USP16: variants seen among roughly 807,000 people sequenced by gnomAD.
USP16 encodes the protein ubiquitin specific peptidase 16, also known as ubiquitin carboxyl-terminal hydrolase 16.
A neutral mutation model predicts 95.9 loss-of-function variants in USP16; 77 were observed. That is an observed-to-expected ratio of 0.80 (90% confidence interval 0.67 to 0.97). The LOEUF is 0.97. Among genes scored for constraint, USP16 ranks in the 50% least tolerant of loss-of-function variants. The pLI, the probability that USP16 is intolerant of heterozygous loss-of-function variation, is 0.00. For synonymous variants in USP16, 303 were observed against 318.2 expected (o/e 0.95, Z 0.51); for missense variants, 943 against 959.9 (o/e 0.98, Z 0.23).
chr21:29,037,242 T>C, intron 5 of USP16, 34 bp from the exon 6 acceptor site: 1 of 1,372,224 alleles, frequency 7.3e-7, no homozygotes, highest in Middle Eastern at 2.6e-4. Flanking sequence ...ATGACTGTAT[T>C]ACACATTTTG....
chr21:29,032,480 C>T (rs1031603051), intron 3 of USP16, among the ~76,000 whole-genome samples: 1 of 152,184 alleles, frequency 6.6e-6, no homozygotes, highest in Non-Finnish European at 1.5e-5. Context: ...GATCTACCCC[C>T]CTGGGCCTCC....
At chr21:29,034,319 T>A (rs2085121054) in intron 3 of USP16, among the ~76,000 whole-genome samples, 4 of 144,074 alleles carry the variant, frequency 2.8e-5, no homozygotes, top group Non-Finnish European at 6.1e-5. Flanking sequence ...TTTTTTTTTT[T>A]ATTTTGAGAT....
intron 16 of USP16, among the ~76,000 whole-genome samples, chr21:29,051,348 C>T (rs1262557676): frequency 2.6e-5 from 4 of 151,998 alleles, no homozygotes; most frequent in African/African-American, 9.7e-5. Flanking sequence ...TAGGATGGGC[C>T]CAGGGCACAG....
chr21:29,030,634 G>A lies in USP16; in HGVS notation c.101G>A (p.Gly34Asp), dbSNP rs777525482. The change falls in exon 3 of 18, where the codon GGT becomes GAT. Residue 34 changes from glycine to aspartate, a missense_variant. Transcript: ENST00000399976. ...CACATTAGAAAAGGATTGGAACAAG[G>A]TAATTTGAAAAAGGCTTTAGTGAAT... ...CRHIRKGLEQ[G>D]NLKKALVNVE... 6.2e-7 allele frequency: 1 copy of A among 1,613,334 alleles called. No homozygotes were observed. Among genetic ancestry groups the A allele is most frequent in the Admixed American group, 1.7e-5 (1 of 59,880 alleles).
chr21:29,025,408 C>T (rs1338929735), intron 1 of USP16, among the ~76,000 whole-genome samples: 1 of 152,184 alleles, frequency 6.6e-6, no homozygotes, highest in Non-Finnish European at 1.5e-5. Context: ...CGTTAATGCT[C>T]ATCCGATGAC....
chr21:29,053,744 C>A, intron 16 of USP16, 58 bp from the exon 17 acceptor site: 1 of 1,559,704 alleles, frequency 6.4e-7, no homozygotes, highest in Admixed American at 1.8e-5. Context: ...TTGTCTTGCC[C>A]ATGACATCTG....
Position 29,046,680 on chromosome 21 carries a change from A to T in USP16, c.1370A>T (p.Gln457Leu). ...CTTTTTACCCAGAACCAACGAAGAC[A>T]ACAAAAAATTCAAGGAAAAGTTCTT... ...AKKQAKNQRR[Q>L]QKIQGKVLHL... Residue 457 changes from glutamine (Q) to leucine (L), a missense_variant, in exon 14 of 18, where the codon CAA becomes CTA. Transcript: ENST00000399976. 6.2e-7 allele frequency: 1 copy of T among 1,604,210 alleles called. No individual in the cohort carries two copies. Among genetic ancestry groups the T allele is most frequent in the Non-Finnish European group, 8.5e-7 (1 of 1,176,122 alleles).
At chr21:29,024,809 CG>C in intron 1 of USP16, 32 bp downstream of exon 1, 1 of 1,256,006 alleles carries the variant, frequency 8.0e-7, no homozygotes, top group Non-Finnish European at 1.0e-6. Flanking sequence ...TGGCAGTCGT[CG>C]CTCGCCTGGC....
Position 29,053,809 on chromosome 21 carries a change from CAGA to C in USP16, c.2206_2208del (p.Glu736del). 6.2e-7 allele frequency: 1 copy of C among 1,609,300 alleles called. No homozygotes were observed. The highest frequency in any genetic ancestry group is 8.5e-7 in the Non-Finnish European group (1 of 1,178,744). ...TTCTACTCATTTTTAAAGAATGTTG[CAGA>C]AGAAAATACAAGGGTACTCTATTCC... On this transcript the variant is annotated inframe_deletion, in exon 17 of 18. Transcript: ENST00000399976.
intron 16 of USP16, chr21:29,052,985 CA>C (rs1407801145): frequency 6.6e-6 from 1 of 151,886 alleles, no homozygotes. Flanking sequence ...GACCCTGTCT[CA>C]AAAAAAATTT....
chr21:29,025,781 T>C (rs1366895067), intron 1 of USP16: 16 of 959,872 alleles, frequency 1.7e-5, no homozygotes, highest in Non-Finnish European at 2.0e-5. Flanking sequence ...GGTACTATTC[T>C]ATTTTTCTAT....
Position 29,039,043 on chromosome 21 carries a change from C to G in USP16, c.750C>G (p.Asn250Lys), listed in dbSNP as rs2085204179. ...DLALTEPLEI[N>K]LEPPGPLTLA... The stretch of plus-strand genomic sequence containing the variant: ...ATATTCAGGAACCATTAGAAATAAA[C>G]CTTGAGCCTCCAGGCCCTCTTACTT... The change falls in exon 8 of 18, where the codon AAC becomes AAG. Residue 250 changes from asparagine to lysine, a missense_variant. Coordinates refer to ENST00000399976, the MANE Select transcript of USP16 (RefSeq NM_006447.3). 6.5e-7 allele frequency: 1 copy of G among 1,549,166 alleles called. No individual in the cohort carries two copies. Among genetic ancestry groups the G allele is most frequent in the African/African-American group, 1.4e-5 (1 of 71,646 alleles).
At chr21:29,038,254 G>A (rs2085191497) in intron 6 of USP16, 81 bp from the exon 7 acceptor site, 3 of 896,302 alleles carry the variant, frequency 3.3e-6, no homozygotes, top group Non-Finnish European at 5.2e-6. Flanking sequence ...TTTCTGTTTT[G>A]ATAGAATAGA....
Position 29,050,107 on chromosome 21 carries a change from C to T in USP16, c.2122C>T (p.Arg708Cys), listed in dbSNP as rs768071962. Residue 708 changes from arginine (R) to cysteine (C), a missense_variant, in exon 16 of 18, where the codon CGC (arginine) becomes TGC (cysteine). Physicochemically the swap from Arg to Cys is radical, Grantham distance 180 (BLOSUM62 -3). Transcript: ENST00000399976. ...TCTCTTTTAGGCTGGTTTTAACCTACGCAAAGTTAACAAACACATAAAGTT... is the reference window on the plus strand; with the variant it reads ...TCTCTTTTAGGCTGGTTTTAACCTATGCAAAGTTAACAAACACATAAAGTT... ...KRFQQAGFNL[R>C]KVNKHIKFPE... 1.1e-5 allele frequency: 18 copies of T among 1,612,952 alleles called. No individual in the cohort carries two copies. Among genetic ancestry groups the T allele is most frequent in the Middle Eastern group, 1.7e-4 (1 of 5,934 alleles).
chr21:29,052,484 T>G (rs2085430537), intron 16 of USP16: 1 of 152,144 alleles, frequency 6.6e-6, no homozygotes, highest in Non-Finnish European at 1.5e-5. Context: ...CTCATGAGGC[T>G]TATTCACTAT....
At chr21:29,026,749 G>A (rs914374853) in intron 1 of USP16, 1 of 151,644 alleles carries the variant, frequency 6.6e-6, no homozygotes, top group Non-Finnish European at 1.5e-5. Context: ...TTTTCTCCTT[G>A]AGTGAAATGC....
At position 29,047,084 on chromosome 21, in the gene USP16, A is replaced by G. The variant is rs750403472; in HGVS notation, c.1774A>G (p.Ile592Val). The change falls in exon 14 of 18, where the codon ATA (isoleucine) becomes GTA (valine). Residue 592 changes from isoleucine (I) to valine (V), a missense_variant. By Grantham distance (29) the Ile-to-Val change is conservative. Coordinates refer to ENST00000399976, the MANE Select transcript of USP16 (RefSeq NM_006447.3). Reference sequence around the variant, plus strand: ...TGCTCTTCATCCTGATGAAATAAATATAGAGATTCTGAATGATAGTCATAC... The same window carrying G: ...TGCTCTTCATCCTGATGAAATAAATGTAGAGATTCTGAATGATAGTCATAC... The part of the protein sequence containing the change: ...NAALHPDEIN[I>V]EILNDSHTPG... The G allele has an allele frequency of 9.3e-6, 15 of 1,613,988 alleles. No homozygotes were observed. Among genetic ancestry groups the G allele is most frequent in the African/African-American group, 1.3e-5 (1 of 74,944 alleles).
Position 29,043,438 on chromosome 21 carries a change from G to T in USP16, c.1195G>T (p.Val399Leu), listed in dbSNP as rs371776163. ...ATATTTTAAGAGTGGTAAGAAAAGTGTAAATGATAAAAATCTGAAAAAGAC... is the reference window on the plus strand; with the variant it reads ...ATATTTTAAGAGTGGTAAGAAAAGTTTAAATGATAAAAATCTGAAAAAGAC... Reference protein sequence around the residue: ...VLDDQSGKKSVNDKNLKKTVE... With the variant: ...VLDDQSGKKSLNDKNLKKTVE... Residue 399 changes from valine (V) to leucine (L), a missense_variant, in exon 13 of 18, where the codon GTA (valine) becomes TTA (leucine). Val to Leu is a conservative substitution (Grantham distance 32). Transcript: ENST00000399976. 6.5e-6 allele frequency: 10 copies of T among 1,537,398 alleles called. No homozygotes were observed. The African/African-American group carries it at 1.4e-4, about 22-fold the overall frequency.
Position 29,039,127 on chromosome 21 carries a change from G to C in USP16, c.834G>C (p.Pro278=). 1 of 1,579,772 alleles carries C rather than the reference G, an allele frequency of 6.3e-7. No individual in the cohort carries two copies. The highest frequency in any genetic ancestry group is 8.6e-7 in the Non-Finnish European group (1 of 1,160,818). ...AGACCAAAAAGGGGGTTGTGACACCGAAAGAACTCTTTTCTCAGGTCTGTA... is the reference window on the plus strand; with the variant it reads ...AGACCAAAAAGGGGGTTGTGACACCCAAAGAACTCTTTTCTCAGGTCTGTA... ...MQETKKGVVT[P]KELFSQVCKK... The change falls in exon 8 of 18, where the codon CCG becomes CCC. Residue 278 remains proline, a synonymous_variant. Transcript: ENST00000399976.
Sources: allele counts gnomAD v4.1 joint callset (sites outside exome capture counted in the v4.1 genomes callset), GRCh38; gene constraint gnomAD v4.1.1; transcripts MANE v1.5; gene names NCBI Gene and HGNC (gene_info 2026-07-23, HGNC 2026-07-21).